ZNF385D: variants seen among roughly 807,000 people sequenced by gnomAD.
ZNF385D encodes the protein zinc finger protein 659.
In ZNF385D, 15 loss-of-function variants were observed where a neutral mutation model predicts 35.8. The observed-to-expected ratio is 0.42, with a 90% CI of 0.28 to 0.64. The LOEUF is 0.64. Among genes scored for constraint, ZNF385D ranks in the 30% least tolerant of loss-of-function variants. The probability of loss-of-function intolerance (pLI) is 0.23; values close to 1 mark genes in which losing one functional copy is unlikely to be tolerated. For synonymous variants in ZNF385D, 212 were observed against 186.8 expected (o/e 1.13, Z -1.10); for missense variants, 474 against 494.6 (o/e 0.96, Z 0.39).
At chr3:21,493,581 G>T (rs1290804626) in intron 4 of ZNF385D, among the ~76,000 whole-genome samples, 1 of 151,898 alleles carries the variant, frequency 6.6e-6, no homozygotes, top group African/African-American at 2.4e-5. Context: ...GTAATATAGG[G>T]AGAAGCATGC....
chr3:22,094,341 G>C (rs1233409271), intron 3 of ZNF385D, among the ~76,000 whole-genome samples: 1 of 91,954 alleles, frequency 1.1e-5, no homozygotes, highest in Non-Finnish European at 2.5e-5. Flanking sequence ...TTTTCTTTCA[G>C]AAATGTGCAG....
chr3:21,753,864 G>A (rs1282685419), upstream of ZNF385D, among the ~76,000 whole-genome samples: 1 of 151,792 alleles, frequency 6.6e-6, no homozygotes, highest in Non-Finnish European at 1.5e-5. Context: ...CTGCAGCTCT[G>A]GTAACCATTT....
intron 2 of ZNF385D, among the ~76,000 whole-genome samples, chr3:21,601,670 C>T (rs1450046351): frequency 2.6e-5 from 4 of 152,232 alleles, no homozygotes; most frequent in East Asian, 1.9e-4. Flanking sequence ...GATCACCACA[C>T]TTCTCTTGCT....
intron 3 of ZNF385D, among the ~76,000 whole-genome samples, chr3:22,095,661 ATTTC>A (rs66938307): frequency 0.36 from 54,811 of 151,460 alleles, 10,520 homozygotes; most frequent in Non-Finnish European, 0.41. Flanking sequence ...CAGGAAATTG[ATTTC>A]TTTATTTTAA....
At chr3:22,110,178 A>G (rs1049762688) in intron 3 of ZNF385D, among the ~76,000 whole-genome samples, 14 of 152,276 alleles carry the variant, frequency 9.2e-5, no homozygotes, top group South Asian at 2.1e-4. Flanking sequence ...GAACACTTTC[A>G]TACTGTTGGT....
At chr3:22,280,689 C>T (rs1701692168) in intron 2 of ZNF385D, among the ~76,000 whole-genome samples, 1 of 151,982 alleles carries the variant, frequency 6.6e-6, no homozygotes, top group Admixed American at 6.6e-5. Context: ...AGTTTGAAGT[C>T]GGGTAATGTA....
intron 3 of ZNF385D, among the ~76,000 whole-genome samples, chr3:21,832,941 A>C (rs1331123181): frequency 2.0e-5 from 3 of 152,174 alleles, no homozygotes; most frequent in Non-Finnish European, 4.4e-5. Context: ...ACTTTTTATG[A>C]GAATATCTAA....
intron 2 of ZNF385D, among the ~76,000 whole-genome samples, chr3:22,282,058 C>T (rs6774774): frequency 0.03 from 4,499 of 151,850 alleles, 217 homozygotes; most frequent in African/African-American, 0.1. Flanking sequence ...TAGCCTTGGA[C>T]GATCCCTTGT....
At chr3:21,447,194 G>A (rs1355602655) in intron 4 of ZNF385D, among the ~76,000 whole-genome samples, 2 of 152,130 alleles carry the variant, frequency 1.3e-5, no homozygotes, top group African/African-American at 2.4e-5. Flanking sequence ...ATCAAAATTT[G>A]TGAGCTTTTG....
chr3:21,545,192 T>C (rs2062329536), intron 3 of ZNF385D, among the ~76,000 whole-genome samples: 1 of 152,240 alleles, frequency 6.6e-6, no homozygotes, highest in African/African-American at 2.4e-5. Flanking sequence ...ACAATTTTTG[T>C]CTTGTTTTAA....
chr3:21,999,068 A>T (rs1559835049), intron 3 of ZNF385D, among the ~76,000 whole-genome samples: 1 of 152,218 alleles, frequency 6.6e-6, no homozygotes, highest in Non-Finnish European at 1.5e-5. Context: ...GTCTGCTTTT[A>T]CCAGACGTAC....
intron 3 of ZNF385D, among the ~76,000 whole-genome samples, chr3:21,938,793 A>T (rs1332542952): frequency 2.6e-5 from 4 of 152,202 alleles, no homozygotes; most frequent in African/African-American, 9.7e-5. Flanking sequence ...AAAGGCTATT[A>T]TCCCACAAAG....
chr3:21,715,327 G>T (rs879550857), intron 1 of ZNF385D, among the ~76,000 whole-genome samples: 1 of 151,448 alleles, frequency 6.6e-6, no homozygotes, highest in African/African-American at 2.4e-5. Flanking sequence ...AAGCACCCAC[G>T]TATGGGTGAG....
Position 21,908,162 on chromosome 3 carries a change from CTA to C in ZNF385D, c.326-243136_326-243135del, listed in dbSNP as rs879339305. On this transcript the variant is annotated intron_variant, in intron 3 of 5. Coordinates refer to the ZNF385D transcript ENST00000494108. ...TCTATCTATCTATCTATCTATCTAT[CTA>C]TCTATCTATATATGTATAAAGGATT... is the stretch of plus-strand genomic sequence containing the variant. Among the ~76,000 whole-genome samples, 1,295 of 149,452 alleles carry C rather than the reference CTA, an allele frequency of 8.7e-3. 5 individuals carry two copies. Among genetic ancestry groups the C allele is most frequent in the South Asian group, 0.036 (170 of 4,686 alleles).
At chr3:21,604,437 A>T (rs1232775036) in intron 2 of ZNF385D, among the ~76,000 whole-genome samples, 1 of 152,192 alleles carries the variant, frequency 6.6e-6, no homozygotes, top group African/African-American at 2.4e-5. Flanking sequence ...AGGAATTTCT[A>T]TTATGTAGGA....
chr3:22,283,192 A>G (rs929857255), intron 2 of ZNF385D, among the ~76,000 whole-genome samples: 1 of 152,062 alleles, frequency 6.6e-6, no homozygotes, highest in Non-Finnish European at 1.5e-5. Flanking sequence ...AACAATTACT[A>G]CTAGACCTAA....
At chr3:22,210,199 A>G (rs1420992006) in intron 2 of ZNF385D, among the ~76,000 whole-genome samples, 2 of 151,940 alleles carry the variant, frequency 1.3e-5, no homozygotes, top group Admixed American at 6.6e-5. Context: ...AGAGAGCTGC[A>G]TTAATAATCA....
rs149201010 is a variant in ZNF385D at position 22,266,960 on chromosome 3, T to C, written c.107-97925A>G. ...CGAGGATATGTAACGACAATAAATA[T>C]AGTACCTAGTGCTTTGATACAATAT... On this transcript the variant is annotated intron_variant, in intron 2 of 5. Transcript: ENST00000494108. Among the ~76,000 whole-genome samples the C allele has an allele frequency of 2.4e-3, 366 of 152,060 alleles. 6 individuals are homozygous for C. The highest frequency in any genetic ancestry group is 8.3e-3 in the African/African-American group (343 of 41,542).
intron 2 of ZNF385D, among the ~76,000 whole-genome samples, chr3:21,643,906 G>C (rs892442967): frequency 2.0e-5 from 3 of 152,080 alleles, no homozygotes; most frequent in African/African-American, 7.2e-5. Context: ...GGCAACAATA[G>C]CAACTTATGT....
Sources: gnomAD v4.1 joint callset for allele counts (sites outside exome capture counted in the v4.1 genomes callset) on GRCh38, gnomAD v4.1.1 for gene constraint, MANE v1.5 for transcripts, NCBI Gene and HGNC (gene_info 2026-07-23, HGNC 2026-07-21) for gene names.